DNAJC11: variants seen among roughly 807,000 people sequenced by gnomAD.
DNAJC11 encodes the protein dnaJ homolog subfamily C member 11.
A neutral mutation model predicts 78.6 loss-of-function variants in DNAJC11; 15 were observed. The ratio of observed to expected loss-of-function variants is 0.19; its 90% CI spans 0.13 to 0.29. The LOEUF is 0.29. Ranked by LOEUF, DNAJC11 falls within the 10% of genes least tolerant of loss-of-function variation. The pLI, the probability that DNAJC11 is intolerant of heterozygous loss-of-function variation, is 1.00. For missense variants in DNAJC11, 547 were observed against 709.6 expected (o/e 0.77, Z 2.60); for synonymous variants, 292 against 272.1 (o/e 1.07, Z -0.72).
chr1:6,648,745 C>T (rs1360994891), intron 7 of DNAJC11, among the ~76,000 whole-genome samples: 2 of 152,188 alleles, frequency 1.3e-5, no homozygotes, highest in East Asian at 3.8e-4. Flanking sequence ...CATGAGCCAC[C>T]ACACCCTGCC....
At chr1:6,682,420 C>A (rs561569866) in intron 1 of DNAJC11, among the ~76,000 whole-genome samples, 1 of 152,190 alleles carries the variant, frequency 6.6e-6, no homozygotes, top group South Asian at 2.1e-4. Flanking sequence ...AAGAGGAAGA[C>A]AATAAACGTG....
intron 4 of DNAJC11, among the ~76,000 whole-genome samples, chr1:6,664,859 C>T (rs1642271499): frequency 6.6e-6 from 1 of 152,174 alleles, no homozygotes; most frequent in Non-Finnish European, 1.5e-5. Flanking sequence ...CTAACCTGGG[C>T]TTTTCCTCAC....
intron 7 of DNAJC11, among the ~76,000 whole-genome samples, chr1:6,648,084 G>A (rs994167627): frequency 2.8e-4 from 43 of 152,256 alleles, no homozygotes; most frequent in African/African-American, 9.6e-4. Context: ...AAGCTTGTGT[G>A]ACCTTAAGAA....
intron 4 of DNAJC11, among the ~76,000 whole-genome samples, chr1:6,655,684 T>A (rs971143837): frequency 1.8e-4 from 28 of 152,046 alleles, no homozygotes; most frequent in Admixed American, 1.6e-3. Context: ...ATTAGCCAGG[T>A]ACACGTCCCA....
chr1:6,678,601 C>T, intron 2 of DNAJC11, 134 bp from the exon 3 acceptor site: 1 of 697,092 alleles, frequency 1.4e-6, no homozygotes. Flanking sequence ...AGACCCCTTT[C>T]ATTTTCTACA....
chr1:6,694,153 A>G (rs1642795848), intron 1 of DNAJC11, among the ~76,000 whole-genome samples: 1 of 151,728 alleles, frequency 6.6e-6, no homozygotes, highest in South Asian at 2.1e-4. Flanking sequence ...TTTCTAAGAG[A>G]TAGTTTAATT....
intron 10 of DNAJC11, among the ~76,000 whole-genome samples, chr1:6,640,648 A>G (rs959355796): frequency 6.6e-6 from 1 of 152,126 alleles, no homozygotes; most frequent in African/African-American, 2.4e-5. Context: ...CCTGGCCAAC[A>G]TGGTGAAACT....
At chr1:6,683,629 A>G (rs1305434310) in intron 1 of DNAJC11, among the ~76,000 whole-genome samples, 3 of 152,338 alleles carry the variant, frequency 2.0e-5, no homozygotes, top group African/African-American at 7.2e-5. Context: ...CACTTTTGTT[A>G]TTACCATCAT....
At chr1:6,700,305 T>C (rs1642904979) in intron 1 of DNAJC11, among the ~76,000 whole-genome samples, 1 of 152,224 alleles carries the variant, frequency 6.6e-6, no homozygotes, top group African/African-American at 2.4e-5. Flanking sequence ...CACCACCCTT[T>C]GCTGACTCTC....
At chr1:6,641,830 G>A (rs1351337127) in intron 10 of DNAJC11, among the ~76,000 whole-genome samples, 1 of 152,170 alleles carries the variant, frequency 6.6e-6, no homozygotes, top group Non-Finnish European at 1.5e-5. Flanking sequence ...GGTTCTAGAA[G>A]TGCGGGTGAG....
intron 6 of DNAJC11, among the ~76,000 whole-genome samples, chr1:6,651,977 C>A (rs940541581): frequency 5.3e-5 from 8 of 151,994 alleles, no homozygotes; most frequent in Non-Finnish European, 4.4e-5. Flanking sequence ...GTGTGCCCCC[C>A]ACCCCCGCAT....
chr1:6,699,965 T>C (rs979646985), intron 1 of DNAJC11, among the ~76,000 whole-genome samples: 1 of 152,012 alleles, frequency 6.6e-6, no homozygotes, highest in Non-Finnish European at 1.5e-5. Context: ...AGCCATCATA[T>C]CCCCTATGAC....
intron 1 of DNAJC11, among the ~76,000 whole-genome samples, chr1:6,693,623 T>G (rs1412990033): frequency 6.6e-6 from 1 of 151,646 alleles, no homozygotes; most frequent in South Asian, 2.1e-4. Flanking sequence ...ACCTCGTGAT[T>G]CACCCGCCTC....
At chr1:6,667,675 G>T in intron 4 of DNAJC11, 34 bp downstream of exon 4, 1 of 1,577,268 alleles carries the variant, frequency 6.3e-7, no homozygotes, top group Non-Finnish European at 8.7e-7. Context: ...GCCTTTTCAT[G>T]AAGTGTCCTC....
At chr1:6,667,586 T>C (rs573535031) in intron 4 of DNAJC11, 123 bp downstream of exon 4, 1 of 768,988 alleles carries the variant, frequency 1.3e-6, no homozygotes, top group Admixed American at 2.6e-5. Flanking sequence ...AAGCTAAATT[T>C]TGTCCCACCA....
rs370192323 is a variant in DNAJC11 at position 6,672,077 on chromosome 1, C to T, written c.277-4267G>A. Among the ~76,000 whole-genome samples, 26 of 152,266 alleles carry T rather than the reference C, an allele frequency of 1.7e-4. No individual in the cohort carries two copies. In the South Asian group the frequency reaches 5.2e-3, roughly 30 times the overall value. ...CTTGAACTCCTGACCTCAAGTGATC[C>T]ACCTGCCTTGACTTCCCAAAGTGTT... On this transcript the variant is annotated intron_variant, in intron 3 of 15. Coordinates refer to ENST00000377577, the MANE Select transcript of DNAJC11 (RefSeq NM_018198.4).
Position 6,634,728 on chromosome 1 carries a change from G to T in DNAJC11, c.*947C>A. On this transcript the variant is annotated 3_prime_UTR_variant, in exon 16 of 16. Transcript: ENST00000377577. ...TCTGAAGGAAGGCTCCGGAGCACAGGCCCTGGTGTTCCTGTGAGGACGCTG... is the reference window on the plus strand; with the variant it reads ...TCTGAAGGAAGGCTCCGGAGCACAGTCCCTGGTGTTCCTGTGAGGACGCTG... The T allele has an allele frequency of 7.4e-7, 1 of 1,360,056 alleles. No individual in the cohort carries two copies. The highest frequency in any genetic ancestry group is 9.8e-7 in the Non-Finnish European group (1 of 1,018,796). 84.2% of individuals were successfully genotyped at this position (1,360,056 alleles called of 1,614,324 possible).
rs560875462 is a variant in DNAJC11, at chr1:6,652,197, G to C, written c.631-595C>G. Among the ~76,000 whole-genome samples, 499 of 152,312 alleles carry C rather than the reference G, an allele frequency of 3.3e-3. 2 individuals are homozygous for C. The highest frequency in any genetic ancestry group is 5.6e-3 in the Non-Finnish European group (383 of 68,030). ...AATTTGATGCAGCTCAATTTGCTCG[G>C]CAGAACTGGCTGTTAAATGGCCACC... On this transcript the variant is annotated intron_variant, in intron 6 of 15. Coordinates refer to ENST00000377577, the MANE Select transcript of DNAJC11 (RefSeq NM_018198.4).
chr1:6,672,969 G>A (rs1173052520), intron 3 of DNAJC11, among the ~76,000 whole-genome samples: 1 of 152,076 alleles, frequency 6.6e-6, no homozygotes, highest in Non-Finnish European at 1.5e-5. Context: ...GCCAGGTGCA[G>A]GGGCTCACCT....
Sources: allele counts gnomAD v4.1 joint callset (sites outside exome capture counted in the v4.1 genomes callset), GRCh38; gene constraint gnomAD v4.1.1; transcripts MANE v1.5; gene names NCBI Gene and HGNC (gene_info 2026-07-23, HGNC 2026-07-21).